Variants in ZBTB38 observed in about 807,000 individuals in gnomAD.
ZBTB38 encodes zinc finger and BTB domain-containing protein 38.
A neutral mutation model predicts 76.8 loss-of-function variants in ZBTB38; 20 were observed. The observed-to-expected ratio is 0.26, with a 90% CI of 0.18 to 0.38. ZBTB38 has a LOEUF of 0.38. ZBTB38 is among the 10% of genes least tolerant of loss of function. ZBTB38 has a pLI of 1.00. For synonymous variants in ZBTB38, 504 were observed against 544.2 expected (o/e 0.93, Z 1.03); for missense variants, 1,082 against 1,482.3 (o/e 0.73, Z 4.43).
At chr3:141,344,011 CA>C (rs1356153501) in intron 1 of ZBTB38, among the ~76,000 whole-genome samples, 9 of 152,184 alleles carry the variant, frequency 5.9e-5, no homozygotes, top group African/African-American at 2.2e-4. Context: ...GTCCAAAGCA[CA>C]AAATCGATTC....
At chr3:141,432,258 A>T (rs1486288681) in intron 5 of ZBTB38, 1 of 985,320 alleles carries the variant, frequency 1.0e-6, no homozygotes, top group Non-Finnish European at 1.2e-6. Flanking sequence ...GTATCCTAAT[A>T]CAGTGCGTTC....
chr3:141,330,902 G>A, intron 1 of ZBTB38, among the ~76,000 whole-genome samples: 1 of 152,206 alleles, frequency 6.6e-6, no homozygotes, highest in Non-Finnish European at 1.5e-5. Flanking sequence ...CTCACCAGAT[G>A]TGACCCCTCA....
chr3:141,352,344 C>T (rs1267134648), intron 1 of ZBTB38, among the ~76,000 whole-genome samples: 1 of 151,936 alleles, frequency 6.6e-6, no homozygotes, highest in Admixed American at 6.6e-5. Context: ...ATGTCTGTGT[C>T]CTCAAGGTAT....
At chr3:141,365,596 T>C (rs1943942881), upstream of ZBTB38, among the ~76,000 whole-genome samples, 1 of 152,188 alleles carries the variant, frequency 6.6e-6, no homozygotes, top group Admixed American at 6.5e-5. Context: ...GGAGATTAAA[T>C]TTCAACATGA....
intron 1 of ZBTB38, among the ~76,000 whole-genome samples, chr3:141,362,547 ATTAAGT>A (rs1195628733): frequency 6.6e-6 from 1 of 152,218 alleles, no homozygotes; most frequent in Non-Finnish European, 1.5e-5. Context: ...TAGGACATAA[ATTAAGT>A]TTAAGTGTTC....
chr3:141,441,962 T>A (rs1473432440), intron 5 of ZBTB38, among the ~76,000 whole-genome samples: 1 of 151,856 alleles, frequency 6.6e-6, no homozygotes, highest in Non-Finnish European at 1.5e-5. Flanking sequence ...GACTGGATCA[T>A]CAGATTTCTC....
At chr3:141,346,782 T>TTGTTTTG (rs1553760843) in intron 1 of ZBTB38, among the ~76,000 whole-genome samples, 1 of 144,562 alleles carries the variant, frequency 6.9e-6, no homozygotes, top group South Asian at 2.2e-4. Context: ...TTGTTTTGTT[T>TTGTTTTG]TGTGTGTGTG....
chr3:141,411,687 T>C (rs1278063715), intron 5 of ZBTB38, among the ~76,000 whole-genome samples: 1 of 152,218 alleles, frequency 6.6e-6, no homozygotes, highest in Non-Finnish European at 1.5e-5. Context: ...CTGAGTGCTG[T>C]GCTAACTAGG....
rs1957347799 is a variant in ZBTB38 at position 141,413,514 on chromosome 3, T to C, written c.-1+9483T>C. 6.6e-6 allele frequency among the ~76,000 whole-genome samples: 1 copy of C among 152,192 alleles called. No individual in the cohort carries two copies. On this transcript the variant is annotated intron_variant, in intron 5 of 5. Transcript: ENST00000321464. The surrounding 1 kb of genome is among the most constrained non-coding windows in gnomAD (Gnocchi z 4.1). The stretch of plus-strand genomic sequence containing the variant: ...CTGGATGGTCCAGGCCCTATTTCTA[T>C]GATCTGTTTTTTGGAACTGTTGTAT...
At chr3:141,385,649 AGTGTGTGTGTGTGTGT>A (rs10617390) in intron 3 of ZBTB38, among the ~76,000 whole-genome samples, 251 of 147,150 alleles carry the variant, frequency 1.7e-3, no homozygotes, top group African/African-American at 6.0e-3. Context: ...TCGAGCTTTG[AGTGTGTGTGTGTGTGT>A]GTGTGTGTGT....
intron 1 of ZBTB38, among the ~76,000 whole-genome samples, chr3:141,342,281 C>T (rs1227330558): frequency 6.6e-6 from 1 of 151,576 alleles, no homozygotes; most frequent in African/African-American, 2.4e-5. Flanking sequence ...GCCAAGGTCA[C>T]GCCACTGCAC....
intron 2 of ZBTB38, among the ~76,000 whole-genome samples, chr3:141,377,883 A>C (rs1251316968): frequency 2.0e-5 from 3 of 152,172 alleles, no homozygotes; most frequent in Non-Finnish European, 4.4e-5. Flanking sequence ...ACGTTCTTGG[A>C]CTGACAAAAT....
chr3:141,376,081 A>AT (rs1391007829), intron 2 of ZBTB38, among the ~76,000 whole-genome samples: 1 of 152,164 alleles, frequency 6.6e-6, no homozygotes, highest in Non-Finnish European at 1.5e-5. Context: ...GCTGAAACCC[A>AT]TCAACCCACA....
chr3:141,338,253 A>G (rs1465624612), intron 1 of ZBTB38, among the ~76,000 whole-genome samples: 1 of 152,190 alleles, frequency 6.6e-6, no homozygotes, highest in African/African-American at 2.4e-5. Context: ...AGAACTTAAA[A>G]CAGAACTGCC....
At chr3:141,423,137 A>G (rs981549966) in intron 5 of ZBTB38, among the ~76,000 whole-genome samples, 1 of 152,124 alleles carries the variant, frequency 6.6e-6, no homozygotes. Context: ...GCCAGGACTT[A>G]GAGGAAGCTC....
intron 4 of ZBTB38, chr3:141,387,307 A>G (rs1947383084): frequency 6.6e-6 from 1 of 152,118 alleles, no homozygotes; most frequent in Non-Finnish European, 1.5e-5. Context: ...AAAAACAACA[A>G]CAACAAAACT....
At chr3:141,328,450 C>T (rs1942743890) in intron 1 of ZBTB38, among the ~76,000 whole-genome samples, 1 of 152,304 alleles carries the variant, frequency 6.6e-6, no homozygotes, top group Admixed American at 6.5e-5. Flanking sequence ...GTCACCACCC[C>T]CTCATTTACT....
At chr3:141,398,676 C>CTA (rs1350115240) in intron 4 of ZBTB38, among the ~76,000 whole-genome samples, 1 of 151,752 alleles carries the variant, frequency 6.6e-6, no homozygotes. Flanking sequence ...TGTAACACTT[C>CTA]TATAAGTTTG....
At chr3:141,345,933 G>A (rs1943339598) in intron 1 of ZBTB38, among the ~76,000 whole-genome samples, 1 of 152,182 alleles carries the variant, frequency 6.6e-6, no homozygotes, top group Non-Finnish European at 1.5e-5. Context: ...GAGAATGTCT[G>A]CTCAGAAGGG....
Sources: allele counts gnomAD v4.1 joint callset (sites outside exome capture counted in the v4.1 genomes callset), GRCh38; gene constraint gnomAD v4.1.1; non-coding constraint Gnocchi (gnomAD v3.1); transcripts MANE v1.5; gene names NCBI Gene and HGNC (gene_info 2026-07-23, HGNC 2026-07-21).